GLCCI1: variants seen among roughly 807,000 people sequenced by gnomAD.
GLCCI1 encodes glucocorticoid induced 1, also known as glucocorticoid-induced transcript 1 protein.
GLCCI1 carries 24 observed loss-of-function variants against 52.2 expected under a neutral mutation model. The observed-to-expected ratio is 0.46, with a 90% CI of 0.33 to 0.65. The LOEUF is 0.65. Among genes scored for constraint, GLCCI1 ranks in the 30% least tolerant of loss-of-function variants. The pLI is 0.02. For synonymous variants in GLCCI1, 310 were observed against 276.5 expected (o/e 1.12, Z -1.20); for missense variants, 704 against 701.5 (o/e 1.00, Z -0.04).
At chr7:8,046,636 A>G (rs1782135304) in intron 3 of GLCCI1, among the ~76,000 whole-genome samples, 1 of 152,182 alleles carries the variant, frequency 6.6e-6, no homozygotes, top group Non-Finnish European at 1.5e-5. Flanking sequence ...CCTATAACCC[A>G]GAAGCCCCTG....
chr7:8,044,950 A>G (rs1782088908), intron 3 of GLCCI1, among the ~76,000 whole-genome samples: 1 of 152,208 alleles, frequency 6.6e-6, no homozygotes, highest in African/African-American at 2.4e-5. Flanking sequence ...TTGTCAGTAG[A>G]TTCTTGGAAA....
chr7:8,047,171 A>G (rs954493637), intron 3 of GLCCI1, among the ~76,000 whole-genome samples: 5 of 152,222 alleles, frequency 3.3e-5, no homozygotes, highest in Non-Finnish European at 7.3e-5. Flanking sequence ...CTCGTATACA[A>G]TGAAGTTGTG....
chr7:8,005,375 T>C (rs775697896), intron 2 of GLCCI1, among the ~76,000 whole-genome samples: 2 of 152,184 alleles, frequency 1.3e-5, no homozygotes, highest in Non-Finnish European at 2.9e-5. Context: ...AAAAAACTAA[T>C]ATATTCATCT....
rs538333643 is a variant in GLCCI1 at position 8,022,363 on chromosome 7, A to G, written c.610-120A>G. 20 of 405,424 alleles carry G rather than the reference A, an allele frequency of 4.9e-5. No homozygotes were observed. The South Asian group carries it at 9.4e-4, about 19-fold the overall frequency. The allele number at this position is 405,424 out of a possible 1,614,324, so 25.1% of individuals were successfully genotyped here. ...GGGTCACAAAACTCTTAGCGTTTAA[A>G]GGATTTTAGTATAGCTCTCTAACTG... On this transcript the variant is annotated intron_variant, in intron 2 of 7. Transcript: ENST00000223145.
At chr7:8,020,147 TTTTA>T (rs1007208373) in intron 2 of GLCCI1, among the ~76,000 whole-genome samples, 43 of 152,164 alleles carry the variant, frequency 2.8e-4, no homozygotes, top group African/African-American at 8.2e-4. Context: ...TTCTGTAAGC[TTTTA>T]TTTATTTATT....
intron 1 of GLCCI1, among the ~76,000 whole-genome samples, chr7:7,991,832 T>C (rs59588512): frequency 0.034 from 5,190 of 152,124 alleles, 265 homozygotes; most frequent in African/African-American, 0.11. Flanking sequence ...TAGACTTCCA[T>C]AGGATGCACT....
chr7:8,020,203 A>G (rs1429972602), intron 2 of GLCCI1, among the ~76,000 whole-genome samples: 1 of 152,064 alleles, frequency 6.6e-6, no homozygotes, highest in Admixed American at 6.6e-5. Flanking sequence ...TAAAGCTAAG[A>G]CAAACATACA....
chr7:8,022,368 T>G, intron 2 of GLCCI1, 115 bp from the exon 3 acceptor site: 1 of 436,996 alleles, frequency 2.3e-6, no homozygotes, highest in Non-Finnish European at 3.7e-6. Context: ...TTTAAAGGAT[T>G]TTAGTATAGC....
chr7:8,050,374 AT>A (rs1782230055), intron 3 of GLCCI1, among the ~76,000 whole-genome samples: 1 of 152,166 alleles, frequency 6.6e-6, no homozygotes, highest in Non-Finnish European at 1.5e-5. Context: ...GAAGTTTAAA[AT>A]TTTTATTTTT....
intron 3 of GLCCI1, among the ~76,000 whole-genome samples, chr7:8,053,883 G>T (rs1173845774): frequency 6.6e-6 from 1 of 152,052 alleles, no homozygotes; most frequent in African/African-American, 2.4e-5. Flanking sequence ...TATTATTTAG[G>T]TTGGTAATCT....
intron 1 of GLCCI1, among the ~76,000 whole-genome samples, chr7:7,982,807 ATTC>A (rs1451582453): frequency 2.0e-5 from 3 of 152,112 alleles, no homozygotes; most frequent in Non-Finnish European, 2.9e-5. Flanking sequence ...ATGAATACTT[ATTC>A]TTCTGTTGAT....
chr7:8,002,199 A>G (rs758457120), intron 1 of GLCCI1, among the ~76,000 whole-genome samples: 1 of 152,170 alleles, frequency 6.6e-6, no homozygotes, highest in Non-Finnish European at 1.5e-5. Flanking sequence ...TTAGAACTCA[A>G]TAGTAGTTTA....
chr7:8,067,447 G>T (rs1329772314), intron 5 of GLCCI1, among the ~76,000 whole-genome samples: 2 of 152,162 alleles, frequency 1.3e-5, no homozygotes, highest in Non-Finnish European at 2.9e-5. Context: ...AGACTTAATT[G>T]TGTAGTTGCT....
At chr7:8,045,481 A>G (rs1433051754) in intron 3 of GLCCI1, among the ~76,000 whole-genome samples, 1 of 152,188 alleles carries the variant, frequency 6.6e-6, no homozygotes, top group Non-Finnish European at 1.5e-5. Flanking sequence ...AACCTAGGTA[A>G]TCTTCACGGG....
At chr7:8,080,820 T>C (rs968440666) in intron 6 of GLCCI1, among the ~76,000 whole-genome samples, 2 of 151,598 alleles carry the variant, frequency 1.3e-5, no homozygotes, top group Admixed American at 6.6e-5. Flanking sequence ...ATCCTTTTTT[T>C]GTTTGTTTTT....
chr7:8,033,548 A>G (rs371937109), intron 3 of GLCCI1, among the ~76,000 whole-genome samples: 1 of 152,248 alleles, frequency 6.6e-6, no homozygotes, highest in Non-Finnish European at 1.5e-5. Flanking sequence ...AAGTTTACCA[A>G]GGTTACATGA....
At chr7:8,056,786 T>C (rs910700448) in intron 4 of GLCCI1, among the ~76,000 whole-genome samples, 1 of 152,148 alleles carries the variant, frequency 6.6e-6, no homozygotes, top group African/African-American at 2.4e-5. Context: ...AAACTAAAAA[T>C]AGGATATTTC....
intron 2 of GLCCI1, among the ~76,000 whole-genome samples, chr7:8,020,645 T>G (rs1483897081): frequency 1.2e-4 from 18 of 152,194 alleles, no homozygotes; most frequent in Non-Finnish European, 2.4e-4. Flanking sequence ...TGAATGTAAT[T>G]CATATTATAA....
chr7:7,981,330 C>CT, intron 1 of GLCCI1: 1 of 234,892 alleles, frequency 4.3e-6, no homozygotes. Context: ...TTCTTTCTTT[C>CT]TTTTTTTGTT....
Sources: gnomAD v4.1 joint callset for allele counts (sites outside exome capture counted in the v4.1 genomes callset) on GRCh38, gnomAD v4.1.1 for gene constraint, MANE v1.5 for transcripts, NCBI Gene and HGNC (gene_info 2026-07-23, HGNC 2026-07-21) for gene names.